JARID2: variants seen among roughly 807,000 people sequenced by gnomAD.
The protein encoded by JARID2 is jumonji and AT-rich interaction domain containing 2, also known as protein Jumonji.
A neutral mutation model predicts 125.6 loss-of-function variants in JARID2; 21 were observed. The observed-to-expected ratio is 0.17, with a 90% CI of 0.12 to 0.24. The LOEUF (loss-of-function observed/expected upper bound fraction) is 0.24. Among genes scored for constraint, JARID2 ranks in the 10% least tolerant of loss-of-function variants. The probability of loss-of-function intolerance (pLI) is 1.00; values close to 1 mark genes in which losing one functional copy is unlikely to be tolerated. For synonymous variants in JARID2, 736 were observed against 661.6 expected (o/e 1.11, Z -1.73); for missense variants, 1,303 against 1,639.6 (o/e 0.79, Z 3.55).
intron 2 of JARID2, among the ~76,000 whole-genome samples, chr6:15,383,993 C>T (rs749161494): frequency 1.3e-4 from 20 of 152,166 alleles, no homozygotes; most frequent in Non-Finnish European, 2.4e-4. Context: ...GGAGTTTCTC[C>T]GTGTTGGTCA....
chr6:15,286,587 G>A (rs934401803), intron 1 of JARID2, among the ~76,000 whole-genome samples: 15 of 151,848 alleles, frequency 9.9e-5, no homozygotes, highest in South Asian at 2.1e-4. Context: ...CTGGCAGAGC[G>A]TGGTGGCTCA....
chr6:15,486,431 G>A (rs1411629364), intron 5 of JARID2, among the ~76,000 whole-genome samples: 1 of 152,230 alleles, frequency 6.6e-6, no homozygotes, highest in Non-Finnish European at 1.5e-5. Flanking sequence ...GGGGTTTGGG[G>A]TGGATGGGGT....
In JARID2 at chr6:15,520,895, T is replaced by C. The variant is rs1312835257; in HGVS notation, c.*644T>C. On this transcript the variant is annotated 3_prime_UTR_variant, in exon 18 of 18. Coordinates refer to ENST00000341776, the MANE Select transcript of JARID2 (RefSeq NM_004973.4). ...AGTGGGCTCTCCACCAGCACATCAC[T>C]ATGCATCTGTTCCAGGAAAGAAGAA... 1 of 452,200 alleles carries C rather than the reference T, an allele frequency of 2.2e-6. No homozygotes were observed. The highest frequency in any genetic ancestry group is 4.5e-6 in the Non-Finnish European group (1 of 224,366). The allele number at this position is 452,200 out of a possible 1,614,324, so 28.0% of individuals were successfully genotyped here. A position where few individuals can be genotyped will look rare whatever the true frequency, so the allele number is the denominator to read the frequency against.
intron 1 of JARID2, among the ~76,000 whole-genome samples, chr6:15,311,701 TG>T (rs1360772693): frequency 6.6e-6 from 1 of 151,994 alleles, no homozygotes; most frequent in Non-Finnish European, 1.5e-5. Flanking sequence ...AAGCCACAGA[TG>T]GCACTCTGAT....
chr6:15,447,667 G>A (rs1432690104), intron 3 of JARID2, among the ~76,000 whole-genome samples: 2 of 152,240 alleles, frequency 1.3e-5, no homozygotes, highest in African/African-American at 4.8e-5. Context: ...GGAATGGCAG[G>A]TAGTATTCTG....
intron 3 of JARID2, among the ~76,000 whole-genome samples, chr6:15,417,428 T>G (rs1307724278): frequency 6.6e-6 from 1 of 152,230 alleles, no homozygotes; most frequent in Admixed American, 6.5e-5. Context: ...CTGAATAAAT[T>G]AATTCTTGAA....
intron 1 of JARID2, among the ~76,000 whole-genome samples, chr6:15,274,786 C>G (rs1020637394): frequency 6.6e-6 from 1 of 152,126 alleles, no homozygotes; most frequent in African/African-American, 2.4e-5. Context: ...ATCCACTCCC[C>G]CTTTCCCAGT....
intron 2 of JARID2, chr6:15,400,870 G>T: frequency 7.8e-7 from 1 of 1,286,590 alleles, no homozygotes; most frequent in Non-Finnish European, 1.0e-6. Context: ...GTGCTCCGGA[G>T]CCTGCCTCAC....
chr6:15,462,975 T>C lies in JARID2; in HGVS notation c.494-5567T>C, dbSNP rs868529459. Among the ~76,000 whole-genome samples the C allele has an allele frequency of 5.3e-5, 8 of 152,346 alleles. No individual in the cohort carries two copies. In the East Asian group the frequency reaches 7.7e-4, roughly 15 times the overall value. ...ATTTGGTTTGCACTTCAGTAAATAT[T>C]GTGGAGACATTGCCAGCTAATTCTG... On this transcript the variant is annotated intron_variant, in intron 4 of 17. Coordinates refer to ENST00000341776, the MANE Select transcript of JARID2 (RefSeq NM_004973.4).
At chr6:15,445,220 T>TG (rs1767622742) in intron 3 of JARID2, among the ~76,000 whole-genome samples, 1 of 152,146 alleles carries the variant, frequency 6.6e-6, no homozygotes, top group Non-Finnish European at 1.5e-5. Flanking sequence ...ATCAATCATT[T>TG]GGGGAGGAAG....
intron 1 of JARID2, among the ~76,000 whole-genome samples, chr6:15,302,735 A>AT (rs1181786550): frequency 1.3e-5 from 2 of 151,804 alleles, no homozygotes; most frequent in Non-Finnish European, 2.9e-5. Context: ...GTGGTTATTT[A>AT]TTTTTTATTT....
At chr6:15,296,671 C>G (rs1291843144) in intron 1 of JARID2, among the ~76,000 whole-genome samples, 4 of 152,136 alleles carry the variant, frequency 2.6e-5, no homozygotes, top group African/African-American at 9.7e-5. Context: ...GTTCCCAAGC[C>G]ATAGTTAACA....
rs375137263 is a variant in JARID2 at position 15,517,285 on chromosome 6, G to C, written c.3558+17G>C. 9 of 1,567,334 alleles carry C rather than the reference G, an allele frequency of 5.7e-6. No individual in the cohort carries two copies. The East Asian group carries it at 1.3e-4, about 23-fold the overall frequency. ...TACGATGAGGTCAGTCCCTGCCCGC[G>C]GGGTAGGGCAGGGCGGCAGCGTGGC... On this transcript the variant is annotated intron_variant, in intron 17 of 17. Transcript: ENST00000341776.
intron 1 of JARID2, among the ~76,000 whole-genome samples, chr6:15,351,651 A>G (rs1042085173): frequency 2.0e-5 from 3 of 152,124 alleles, no homozygotes; most frequent in African/African-American, 7.2e-5. Flanking sequence ...CCTATTCACC[A>G]CTGGATTTAA....
At chr6:15,332,747 A>T (rs1474992092) in intron 1 of JARID2, among the ~76,000 whole-genome samples, 1 of 151,526 alleles carries the variant, frequency 6.6e-6, no homozygotes, top group Non-Finnish European at 1.5e-5. Flanking sequence ...AAAGAGAACA[A>T]TTTTTTTGTG....
At chr6:15,360,439 T>C (rs1763752343) in intron 1 of JARID2, among the ~76,000 whole-genome samples, 1 of 152,112 alleles carries the variant, frequency 6.6e-6, no homozygotes, top group Non-Finnish European at 1.5e-5. Context: ...CGCCTCGGCC[T>C]CCGAAAGTCC....
intron 1 of JARID2, among the ~76,000 whole-genome samples, chr6:15,320,565 G>C (rs12209228): frequency 0.079 from 12,033 of 152,178 alleles, 715 homozygotes; most frequent in African/African-American, 0.16. Context: ...ACCTACTGTA[G>C]TTTAAATTCA....
chr6:15,501,250 C>T lies in JARID2; in HGVS notation c.2289C>T (p.Gly763=), dbSNP rs750878402. The part of the protein sequence containing the change: ...RFEPKNGLIH[G]VAPRNGFRSK... ...AGCCCAAGAATGGGCTCATCCACGGCGTGGCCCCCAGGAACGGCTTCCGCA... is the reference window on the plus strand; with the variant it reads ...AGCCCAAGAATGGGCTCATCCACGGTGTGGCCCCCAGGAACGGCTTCCGCA... The change falls in exon 8 of 18, where the codon GGC becomes GGT. Residue 763 remains glycine, a synonymous_variant. Coordinates refer to ENST00000341776, the MANE Select transcript of JARID2 (RefSeq NM_004973.4). The T allele has an allele frequency of 1.8e-5, 29 of 1,613,440 alleles. No individual in the cohort carries two copies. The highest frequency in any genetic ancestry group is 1.6e-4 in the Middle Eastern group (1 of 6,080).
At chr6:15,337,610 A>C (rs1023671293) in intron 1 of JARID2, among the ~76,000 whole-genome samples, 1 of 152,344 alleles carries the variant, frequency 6.6e-6, no homozygotes, top group East Asian at 1.9e-4. Flanking sequence ...TGAACTGGGA[A>C]AAGACATAAG....
Sources: allele counts gnomAD v4.1 joint callset (sites outside exome capture counted in the v4.1 genomes callset), GRCh38; gene constraint gnomAD v4.1.1; transcripts MANE v1.5; gene names NCBI Gene and HGNC (gene_info 2026-07-23, HGNC 2026-07-21).